Variants in RETSAT observed in about 807,000 individuals in gnomAD.
RETSAT encodes retinol saturase, also known as all-trans-retinol 13,14-reductase.
Under a neutral mutation model 61.6 loss-of-function variants are expected in RETSAT, and 35 were observed. That is an observed-to-expected ratio of 0.57 (90% CI 0.43 to 0.75). RETSAT has a LOEUF of 0.75. RETSAT is among the 30% of genes least tolerant of loss of function. RETSAT has a pLI of 0.00. For synonymous variants in RETSAT, 277 were observed against 310.4 expected (o/e 0.89, Z 1.13); for missense variants, 670 against 759.5 (o/e 0.88, Z 1.38).
rs1209237053 is a variant in RETSAT, at chr2:85,354,450, C to G, written c.58G>C (p.Val20Leu). The G allele has an allele frequency of 6.2e-7, 1 of 1,614,154 alleles. No homozygotes were observed. Among genetic ancestry groups the G allele is most frequent in the Non-Finnish European group, 8.5e-7 (1 of 1,180,012 alleles). The change falls in exon 1 of 11, where the codon GTT becomes CTT. Residue 20 changes from valine to leucine, a missense_variant. Coordinates refer to ENST00000295802, the MANE Select transcript of RETSAT (RefSeq NM_017750.4). ...CTGCCAGAGAATAGTCCCAAGTAAACTTTGCAGAGGACGGCCAGCAGCAGC... is the reference window on the plus strand; with the variant it reads ...CTGCCAGAGAATAGTCCCAAGTAAAGTTTGCAGAGGACGGCCAGCAGCAGC... Reference protein sequence around the residue: ...AVLLLAVLCKVYLGLFSGSSP... With the variant: ...AVLLLAVLCKLYLGLFSGSSP...
At chr2:85,343,906 G>T in intron 9 of RETSAT, 93 bp downstream of exon 9, 3 of 1,584,132 alleles carry the variant, frequency 1.9e-6, no homozygotes, top group Non-Finnish European at 2.6e-6. Flanking sequence ...CTTCCCTGGG[G>T]CTCATGTCTT....
intron 4 of RETSAT, 129 bp downstream of exon 4, chr2:85,349,911 C>T: frequency 1.2e-6 from 1 of 857,472 alleles, no homozygotes; most frequent in Non-Finnish European, 1.8e-6. Flanking sequence ...CATCCACAAG[C>T]TCCAGAGGGC....
At chr2:85,347,403 AT>A (rs1198344431) in intron 5 of RETSAT, among the ~76,000 whole-genome samples, 1 of 152,038 alleles carries the variant, frequency 6.6e-6, no homozygotes, top group East Asian at 1.9e-4. Flanking sequence ...TAATTTTGGT[AT>A]TTTTAGTAAA....
chr2:85,345,209 G>A (rs1026526125), intron 6 of RETSAT, among the ~76,000 whole-genome samples: 28 of 152,320 alleles, frequency 1.8e-4, no homozygotes, highest in African/African-American at 6.3e-4. Flanking sequence ...CACGCAGGGT[G>A]AAGGAAGGAG....
intron 3 of RETSAT, among the ~76,000 whole-genome samples, 195 bp downstream of exon 3, chr2:85,350,585 G>A (rs184074971): frequency 2.5e-3 from 388 of 152,276 alleles, no homozygotes; most frequent in African/African-American, 8.5e-3. Flanking sequence ...AGCAGCAGCC[G>A]TGGAGCCAAG....
intron 7 of RETSAT, 122 bp from the exon 8 acceptor site, chr2:85,344,470 C>T (rs549674898): frequency 6.5e-5 from 99 of 1,526,316 alleles, no homozygotes; most frequent in East Asian, 1.1e-4. Context: ...ACAGCCTTGG[C>T]GTGACAAACT....
rs769507148 is a variant in RETSAT at position 85,349,501 on chromosome 2, C to T, written c.880G>A (p.Gly294Arg). Reference sequence around the variant, plus strand: ...TGGAAGGCAATTTCACTGGAACCCCCTCGGGGATAAAAGCCTCCTTTCATG... The same window carrying T: ...TGGAAGGCAATTTCACTGGAACCCCTTCGGGGATAAAAGCCTCCTTTCATG... ...HYMKGGFYPR[G>R]GSSEIAFHTI... Residue 294 changes from glycine to arginine, a missense_variant, in exon 5 of 11, where the codon GGG becomes AGG. By Grantham distance (125) the Gly-to-Arg change is moderately radical. Coordinates refer to ENST00000295802, the MANE Select transcript of RETSAT (RefSeq NM_017750.4). The T allele has an allele frequency of 6.2e-7, 1 of 1,614,186 alleles. No homozygotes were observed. The highest frequency in any genetic ancestry group is 1.7e-5 in the Admixed American group (1 of 60,026).
intron 10 of RETSAT, 129 bp from the exon 11 acceptor site, chr2:85,343,510 T>C: frequency 6.6e-7 from 1 of 1,525,304 alleles, no homozygotes; most frequent in Non-Finnish European, 8.9e-7. Flanking sequence ...GGCCACAGCC[T>C]GCCCAGGCAG....
In RETSAT at chr2:85,344,041, A is replaced by G. The variant is rs779766709; in HGVS notation, c.1491T>C (p.Ser497=). The G allele has an allele frequency of 1.9e-6, 3 of 1,614,080 alleles. No individual in the cohort carries two copies. The highest frequency in any genetic ancestry group is 3.3e-5 in the Admixed American group (2 of 60,008). The change falls in exon 9 of 11, where the codon TCT becomes TCC. Residue 497 remains serine (S), a synonymous_variant. Transcript: ENST00000295802. The part of the protein sequence containing the change: ...ETFKNSFVEA[S]MSVVLKLFPQ... ...GGAACAGTTTCAGGACCACTGACAT[A>G]GAGGCTTCCACAAAGGAGTTTTTGA...
At chr2:85,353,264 A>T (rs1244394975) in intron 1 of RETSAT, among the ~76,000 whole-genome samples, 1 of 152,174 alleles carries the variant, frequency 6.6e-6, no homozygotes, top group African/African-American at 2.4e-5. Flanking sequence ...GAGAGCCTTG[A>T]CAACATGGTG....
chr2:85,351,321 T>G, intron 2 of RETSAT: 1 of 458,818 alleles, frequency 2.2e-6, no homozygotes, highest in South Asian at 2.5e-5. Flanking sequence ...AGGTCAGGAG[T>G]TCGAGACCAG....
At chr2:85,349,034 C>G (rs954047230) in intron 5 of RETSAT, among the ~76,000 whole-genome samples, 23 of 149,014 alleles carry the variant, frequency 1.5e-4, no homozygotes, top group African/African-American at 5.6e-4. Flanking sequence ...CAGACGTGAG[C>G]CACCATGCCC....
In RETSAT at chr2:85,351,779, G is replaced by C. The variant is rs745529249; in HGVS notation, c.256C>G (p.Leu86Val). 1 of 1,614,160 alleles carries C rather than the reference G, an allele frequency of 6.2e-7. No individual in the cohort carries two copies. Among genetic ancestry groups the C allele is most frequent in the Non-Finnish European group, 8.5e-7 (1 of 1,180,038 alleles). ...GFGGLAAAAI[L>V]AKAGKRVLVL... The stretch of plus-strand genomic sequence containing the variant: ...AGGACTCGCTTGCCAGCTTTAGCTA[G>C]AATTGCAGCTGCAGCCAGGCCCCCA... Residue 86 changes from leucine to valine, a missense_variant, in exon 2 of 11, where the codon CTA (leucine) becomes GTA (valine). Physicochemically the swap from Leu to Val is conservative, Grantham distance 32 (BLOSUM62 1). Transcript: ENST00000295802.
intron 6 of RETSAT, among the ~76,000 whole-genome samples, chr2:85,345,084 GTC>G (rs2104433754): frequency 6.6e-6 from 1 of 152,258 alleles, no homozygotes; most frequent in South Asian, 2.1e-4. Context: ...CAAAGGCAGA[GTC>G]TGCCTGTGCA....
Position 85,344,263 on chromosome 2 carries a change from G to T in RETSAT, c.1342C>A (p.Pro448Thr). 1 of 1,614,128 alleles carries T rather than the reference G, an allele frequency of 6.2e-7. No homozygotes were observed. Among genetic ancestry groups the T allele is most frequent in the Non-Finnish European group, 8.5e-7 (1 of 1,180,030 alleles). Residue 448 changes from proline (P) to threonine (T), a missense_variant, in exon 8 of 11, where the codon CCG becomes ACG. Coordinates refer to ENST00000295802, the MANE Select transcript of RETSAT (RefSeq NM_017750.4). ...CCTGGGAATCGGTCCTCCCAGGTCG[G>T]ATCTTTGGCTGATGGGAAAGCGAAG... is the stretch of plus-strand genomic sequence containing the variant. ...LFFAFPSAKD[P>T]TWEDRFPGRS...
At chr2:85,354,306 A>G in intron 1 of RETSAT, 30 bp downstream of exon 1, 1 of 1,612,688 alleles carries the variant, frequency 6.2e-7, no homozygotes, top group Non-Finnish European at 8.5e-7. Context: ...CCTCGAGTGC[A>G]GCCCCGGACC....
chr2:85,344,791 C>A, intron 6 of RETSAT, 59 bp from the exon 7 acceptor site: 1 of 1,583,358 alleles, frequency 6.3e-7, no homozygotes, highest in Non-Finnish European at 8.6e-7. Context: ...CCACTCCTTG[C>A]TCCCAGGAGA....
intron 1 of RETSAT, 53 bp from the exon 2 acceptor site, chr2:85,351,915 CAA>C: frequency 6.4e-7 from 1 of 1,559,292 alleles, no homozygotes; most frequent in Non-Finnish European, 8.7e-7. Flanking sequence ...AGGGAAATAG[CAA>C]AGATAGGGAA....
rs772698925 is a variant in RETSAT at position 85,345,998 on chromosome 2, G to T, written c.1094C>A (p.Pro365Gln). Residue 365 changes from proline to glutamine, a missense_variant, in exon 6 of 11, where the codon CCG becomes CAG. Coordinates refer to ENST00000295802, the MANE Select transcript of RETSAT (RefSeq NM_017750.4). ...GLFNTYEHLLPGNARCLPGVK... is the reference protein window; with the variant it reads ...GLFNTYEHLLQGNARCLPGVK... ...ACCTGGCAGGCAGCGGGCGTTCCCC[G>T]GCAGTAGGTGTTCATAGGTGTTGAA... 3 of 1,614,130 alleles carry T rather than the reference G, an allele frequency of 1.9e-6. No homozygotes were observed. The highest frequency in any genetic ancestry group is 2.5e-6 in the Non-Finnish European group (3 of 1,180,004).
Sources: allele counts gnomAD v4.1 joint callset (sites outside exome capture counted in the v4.1 genomes callset), GRCh38; gene constraint gnomAD v4.1.1; transcripts MANE v1.5; gene names NCBI Gene and HGNC (gene_info 2026-07-23, HGNC 2026-07-21).